The following DISC1 variants were observed in gnomAD, a reference collection of about 807,000 sequenced individuals.
The protein encoded by DISC1 is disrupted in schizophrenia 1 protein.
In DISC1, 57 loss-of-function variants were observed where a neutral mutation model predicts 84.5. The observed-to-expected ratio is 0.67, with a 90% CI of 0.55 to 0.84. The LOEUF is 0.84. Among genes scored for constraint, DISC1 ranks in the 40% least tolerant of loss-of-function variants. The pLI is 0.00. For synonymous variants in DISC1, 411 were observed against 415.2 expected, an observed-to-expected ratio of 0.99 and a Z score of 0.12; for missense variants, 1,000 against 1,057.8, an observed-to-expected ratio of 0.95 and a Z score of 0.76.
chr1:231,970,972 G>A (rs1253353896), intron 10 of DISC1, among the ~76,000 whole-genome samples: 2 of 152,250 alleles, frequency 1.3e-5, no homozygotes, highest in Non-Finnish European at 2.9e-5. Flanking sequence ...GCAGTGTCTT[G>A]TGTAGGTTAT....
chr1:231,891,132 T>C (rs541249385), intron 9 of DISC1, among the ~76,000 whole-genome samples: 1 of 152,254 alleles, frequency 6.6e-6, no homozygotes, highest in South Asian at 2.1e-4. Context: ...ATCTTTCGGC[T>C]TCCCTGGGCC....
chr1:231,993,020 G>A (rs1214560312), intron 10 of DISC1, among the ~76,000 whole-genome samples: 5 of 152,178 alleles, frequency 3.3e-5, no homozygotes, highest in African/African-American at 1.2e-4. Context: ...TCTCTTGAGA[G>A]TACTACAAAA....
chr1:231,649,310 A>G (rs1307070661), intron 1 of DISC1, among the ~76,000 whole-genome samples: 1 of 152,100 alleles, frequency 6.6e-6, no homozygotes, highest in African/African-American at 2.4e-5. Flanking sequence ...TCATTTTGTT[A>G]TTTACCCAGT....
At chr1:231,856,030 G>C (rs2084246250) in intron 9 of DISC1, among the ~76,000 whole-genome samples, 1 of 152,196 alleles carries the variant, frequency 6.6e-6, no homozygotes, top group Non-Finnish European at 1.5e-5. Context: ...TTTTTGGCTT[G>C]ACGTGCATAT....
chr1:231,818,548 A>G (rs1470657830), intron 9 of DISC1, 31 bp downstream of exon 9: 3 of 1,613,112 alleles, frequency 1.9e-6, no homozygotes, highest in Non-Finnish European at 2.5e-6. Flanking sequence ...CCCCGGCAAG[A>G]TATTGATGAT....
chr1:231,921,161 G>C (rs765529051), intron 9 of DISC1, among the ~76,000 whole-genome samples: 3 of 151,478 alleles, frequency 2.0e-5, no homozygotes, highest in Admixed American at 6.6e-5. Context: ...TGATCTGCCC[G>C]CCTCGGCCTC....
chr1:231,693,183 T>C (rs1044396983), intron 1 of DISC1, among the ~76,000 whole-genome samples: 1 of 152,226 alleles, frequency 6.6e-6, no homozygotes, highest in Admixed American at 6.5e-5. Context: ...GCATTTGTTA[T>C]TGTTCCTATT....
At chr1:231,741,130 T>C (rs1449712677) in intron 3 of DISC1, among the ~76,000 whole-genome samples, 5 of 152,222 alleles carry the variant, frequency 3.3e-5, no homozygotes, top group African/African-American at 1.2e-4. Flanking sequence ...AATTCATCCT[T>C]GCAGAAGTGC....
intron 7 of DISC1, among the ~76,000 whole-genome samples, chr1:231,798,956 T>G (rs7514199): frequency 6.6e-6 from 1 of 151,866 alleles, no homozygotes; most frequent in Non-Finnish European, 1.5e-5. Flanking sequence ...CCCACAAACC[T>G]TAGATTCTTC....
chr1:231,802,287 TAGTG>T (rs2079333940), intron 8 of DISC1, among the ~76,000 whole-genome samples: 1 of 152,116 alleles, frequency 6.6e-6, no homozygotes, highest in Non-Finnish European at 1.5e-5. Flanking sequence ...GTTTTCGTGA[TAGTG>T]AGTGAGTTAT....
intron 10 of DISC1, among the ~76,000 whole-genome samples, chr1:231,989,364 G>T (rs988227747): frequency 1.3e-5 from 2 of 152,198 alleles, no homozygotes; most frequent in Non-Finnish European, 1.5e-5. Context: ...ATGGCATAAA[G>T]ATAACGCAAT....
At chr1:232,016,679 A>AT (rs1276822571) in intron 11 of DISC1, among the ~76,000 whole-genome samples, 1 of 151,912 alleles carries the variant, frequency 6.6e-6, no homozygotes, top group East Asian at 1.9e-4. Flanking sequence ...TCTTCTAACA[A>AT]TTTGTTTGGT....
intron 4 of DISC1, chr1:231,750,394 G>T: frequency 2.7e-6 from 3 of 1,130,742 alleles, no homozygotes; most frequent in Non-Finnish European, 3.3e-6. Context: ...TCTTGTTGAG[G>T]CAGCTTGGTG....
chr1:231,833,452 C>T (rs1301599152), intron 9 of DISC1, among the ~76,000 whole-genome samples: 2 of 151,672 alleles, frequency 1.3e-5, no homozygotes, highest in South Asian at 2.1e-4. Flanking sequence ...GCTTCCAAGG[C>T]GATTTGGCAG....
chr1:231,751,634 C>T (rs892413869), intron 4 of DISC1, among the ~76,000 whole-genome samples: 1 of 152,216 alleles, frequency 6.6e-6, no homozygotes, highest in Non-Finnish European at 1.5e-5. Context: ...CCCATCCCTT[C>T]CCCTCTTCCA....
chr1:231,838,761 T>C (rs1442993010), intron 9 of DISC1, among the ~76,000 whole-genome samples: 1 of 152,230 alleles, frequency 6.6e-6, no homozygotes, highest in African/African-American at 2.4e-5. Flanking sequence ...TGGATGCATT[T>C]TGTAGGACTG....
chr1:231,717,661 A>G (rs1050014902), intron 3 of DISC1, among the ~76,000 whole-genome samples: 1 of 152,184 alleles, frequency 6.6e-6, no homozygotes, highest in African/African-American at 2.4e-5. Flanking sequence ...CACTCCAGCA[A>G]TCTTCTCACT....
At position 231,886,782 on chromosome 1, in the gene DISC1, T is replaced by C. The variant is rs866643538; in HGVS notation, c.1981+68265T>C. The stretch of plus-strand genomic sequence containing the variant: ...TCCTTCCTTCCTTTCTTTCTTTCTT[T>C]CTTTCTTTCTTTCTTTCTTTCTTTC... On this transcript the variant is annotated intron_variant, in intron 9 of 12. Coordinates refer to ENST00000439617, the MANE Select transcript of DISC1 (RefSeq NM_018662.3). Among the ~76,000 whole-genome samples the C allele has an allele frequency of 4.1e-3, 503 of 123,078 alleles. 5 individuals are homozygous for C. The highest frequency in any genetic ancestry group is 8.4e-3 in the African/African-American group (278 of 33,062). The allele number at this position is 123,078 out of a possible 152,430, so 80.7% of individuals were successfully genotyped here.
At chr1:231,965,528 G>A (rs1660978202) in intron 10 of DISC1, among the ~76,000 whole-genome samples, 1 of 152,180 alleles carries the variant, frequency 6.6e-6, no homozygotes, top group Non-Finnish European at 1.5e-5. Context: ...AGTTTAGTCT[G>A]CTCTTCTCCC....
Sources: allele counts gnomAD v4.1 joint callset (sites outside exome capture counted in the v4.1 genomes callset), GRCh38; gene constraint gnomAD v4.1.1; transcripts MANE v1.5; gene names NCBI Gene and HGNC (gene_info 2026-07-23, HGNC 2026-07-21).